Variants in PIGK observed in about 807,000 individuals in gnomAD.
PIGK encodes GPI-anchor transamidase.
In PIGK, 42 loss-of-function variants were observed where a neutral mutation model predicts 50.6. The observed-to-expected ratio is 0.83, with a 90% CI of 0.65 to 1.07. The LOEUF is 1.07. Among genes scored for constraint, PIGK ranks in the 50% least tolerant of loss-of-function variants. The pLI is 0.00. For synonymous variants in PIGK, 151 were observed against 156.0 expected (o/e 0.97, Z 0.24); for missense variants, 448 against 488.7 (o/e 0.92, Z 0.78).
chr1:77,144,398 T>C (rs1428159734), intron 9 of PIGK, among the ~76,000 whole-genome samples: 2 of 151,980 alleles, frequency 1.3e-5, no homozygotes, highest in Non-Finnish European at 2.9e-5. Context: ...AATTGTTTTA[T>C]AAATATCATA....
At chr1:77,116,577 TGTGTGTGTGTGTGTGTGTGCGC>T (rs755486873) in intron 10 of PIGK, among the ~76,000 whole-genome samples, 10,412 of 131,366 alleles carry the variant, frequency 0.079, 713 homozygotes, top group African/African-American at 0.22. Context: ...TGTGTGTGTG[TGTGTGTGTGTGTGTGTGTGCGC>T]GTGTGTGTGT....
chr1:77,090,716 G>C lies in PIGK; in HGVS notation c.*1658C>G, dbSNP rs1041455056. On this transcript the variant is annotated 3_prime_UTR_variant, in exon 11 of 11. Coordinates refer to ENST00000370812, the MANE Select transcript of PIGK (RefSeq NM_005482.3). ...GGAGGGCAACATGGTCAATCTTTTT[G>C]TGTCTCAGTGCTACTATAATCAGTC... The C allele has an allele frequency of 1.3e-5, 2 of 152,192 alleles. No individual in the cohort carries two copies. Among genetic ancestry groups the C allele is most frequent in the African/African-American group, 4.8e-5 (2 of 41,436 alleles). 9.4% of individuals were successfully genotyped at this position (152,192 alleles called of 1,614,324 possible). A position where few individuals can be genotyped will look rare whatever the true frequency, so the allele number is the denominator to read the frequency against.
intron 10 of PIGK, among the ~76,000 whole-genome samples, chr1:77,114,960 C>T (rs1653929327): frequency 6.6e-6 from 1 of 152,104 alleles, no homozygotes; most frequent in Non-Finnish European, 1.5e-5. Flanking sequence ...ATTCAGCATC[C>T]TTTTGATGAG....
At chr1:77,157,661 C>G (rs988319705) in intron 8 of PIGK, among the ~76,000 whole-genome samples, 1 of 152,182 alleles carries the variant, frequency 6.6e-6, no homozygotes, top group African/African-American at 2.4e-5. Flanking sequence ...ATTTAATAAA[C>G]ATCAACATAT....
At chr1:77,115,460 C>A (rs1013754024) in intron 10 of PIGK, among the ~76,000 whole-genome samples, 1 of 150,926 alleles carries the variant, frequency 6.6e-6, no homozygotes, top group African/African-American at 2.4e-5. Flanking sequence ...TTTAGCATCA[C>A]AATGACTAAG....
chr1:77,108,934 A>G (rs1050593943), intron 10 of PIGK, among the ~76,000 whole-genome samples: 16 of 152,178 alleles, frequency 1.1e-4, no homozygotes, highest in African/African-American at 3.9e-4. Context: ...CATGGTTTTC[A>G]GCTCCATCAG....
At chr1:77,165,169 C>G (rs190854093) in intron 5 of PIGK, among the ~76,000 whole-genome samples, 1 of 152,024 alleles carries the variant, frequency 6.6e-6, no homozygotes, top group Non-Finnish European at 1.5e-5. Flanking sequence ...TTGTTCCAAG[C>G]CTGCAGTTAC....
At chr1:77,195,530 C>T (rs1656014165) in intron 3 of PIGK, 2 of 495,252 alleles carry the variant, frequency 4.0e-6, no homozygotes, top group Admixed American at 6.6e-5. Flanking sequence ...AGAATAAGGC[C>T]TTACAGAGAT....
At position 77,179,027 on chromosome 1, in the gene PIGK, A is replaced by T. The variant is rs920182094; in HGVS notation, c.240-9632T>A. ...GACTGAGATCATGCGCTAGGCCCCA[A>T]CAGACCACAAAAAATGGAGCTGCTT... On this transcript the variant is annotated intron_variant, in intron 3 of 10. Transcript: ENST00000370812. Among the ~76,000 whole-genome samples, 3 of 152,236 alleles carry T rather than the reference A, an allele frequency of 2.0e-5. No homozygotes were observed. In the East Asian group the frequency reaches 5.8e-4, roughly 29 times the overall value.
At chr1:77,134,374 A>C (rs1270484460) in intron 9 of PIGK, among the ~76,000 whole-genome samples, 2 of 152,202 alleles carry the variant, frequency 1.3e-5, no homozygotes, top group Admixed American at 1.3e-4. Context: ...TTAGTAATTT[A>C]GTTTCCCTTT....
At chr1:77,192,079 G>A (rs1488318844) in intron 3 of PIGK, among the ~76,000 whole-genome samples, 1 of 151,958 alleles carries the variant, frequency 6.6e-6, no homozygotes, top group African/African-American at 2.4e-5. Flanking sequence ...AGGCTGCAGT[G>A]AGCCGAGACC....
intron 3 of PIGK, among the ~76,000 whole-genome samples, chr1:77,171,391 C>A (rs937503802): frequency 1.5e-5 from 2 of 130,620 alleles, no homozygotes; most frequent in African/African-American, 2.8e-5. Flanking sequence ...GAGCCGACAT[C>A]GCGTCACTGC....
At chr1:77,122,055 T>C (rs1654109808) in intron 10 of PIGK, among the ~76,000 whole-genome samples, 1 of 152,196 alleles carries the variant, frequency 6.6e-6, no homozygotes, top group Non-Finnish European at 1.5e-5. Context: ...TATCCCATAT[T>C]TTATGTAAGT....
chr1:77,178,203 G>A (rs1406475821), intron 3 of PIGK, among the ~76,000 whole-genome samples: 1 of 152,146 alleles, frequency 6.6e-6, no homozygotes, highest in Non-Finnish European at 1.5e-5. Flanking sequence ...AACTTTAATG[G>A]TATATACATT....
At chr1:77,142,118 A>G (rs1328439190) in intron 9 of PIGK, among the ~76,000 whole-genome samples, 1 of 152,200 alleles carries the variant, frequency 6.6e-6, no homozygotes, top group Non-Finnish European at 1.5e-5. Context: ...CCTGAAATTG[A>G]GTTGTTTTTT....
intron 10 of PIGK, among the ~76,000 whole-genome samples, chr1:77,098,586 A>C (rs773562527): frequency 2.6e-5 from 4 of 151,994 alleles, no homozygotes; most frequent in Non-Finnish European, 5.9e-5. Context: ...TCCTCCACCC[A>C]CCTTGGCCTC....
intron 9 of PIGK, among the ~76,000 whole-genome samples, chr1:77,126,482 G>A (rs1654234531): frequency 6.6e-6 from 1 of 151,876 alleles, no homozygotes; most frequent in African/African-American, 2.4e-5. Flanking sequence ...TTTTGTGGTG[G>A]GAGGGACAAG....
intron 9 of PIGK, among the ~76,000 whole-genome samples, chr1:77,149,662 A>G (rs955961272): frequency 4.6e-5 from 7 of 152,186 alleles, no homozygotes; most frequent in African/African-American, 1.7e-4. Context: ...TAGCACTTCA[A>G]CACCCCACTT....
At chr1:77,198,953 G>A (rs1414635514) in intron 3 of PIGK, among the ~76,000 whole-genome samples, 1 of 151,988 alleles carries the variant, frequency 6.6e-6, no homozygotes, top group Non-Finnish European at 1.5e-5. Context: ...AGGAAATGAA[G>A]TTAACAGATA....
Sources: allele counts gnomAD v4.1 joint callset (sites outside exome capture counted in the v4.1 genomes callset), GRCh38; gene constraint gnomAD v4.1.1; transcripts MANE v1.5; gene names NCBI Gene and HGNC (gene_info 2026-07-23, HGNC 2026-07-21).